Variants in BIN3 observed in about 807,000 individuals in gnomAD.
BIN3 encodes the protein bridging integrator 3.
Under a neutral mutation model 38.2 loss-of-function variants are expected in BIN3, and 41 were observed. That is an observed-to-expected ratio of 1.07 (90% CI 0.84 to 1.39). The LOEUF (loss-of-function observed/expected upper bound fraction) is 1.39, where lower values mean the gene tolerates loss of function less well. Ranked by LOEUF, BIN3 falls within the 40% of genes most tolerant of loss-of-function variation. The pLI is 0.00. For synonymous variants in BIN3, 145 were observed against 122.6 expected, an observed-to-expected ratio of 1.18 and a Z score of -1.21; for missense variants, 361 against 324.3, an observed-to-expected ratio of 1.11 and a Z score of -0.87.
intron 1 of BIN3, among the ~76,000 whole-genome samples, chr8:22,658,878 G>T (rs1298830556): frequency 6.6e-6 from 1 of 152,222 alleles, no homozygotes; most frequent in African/African-American, 2.4e-5. Flanking sequence ...GCTCCCCGGT[G>T]AGTGGTCTGG....
At chr8:22,634,019 C>T (rs925411662) in intron 4 of BIN3, among the ~76,000 whole-genome samples, 5 of 152,344 alleles carry the variant, frequency 3.3e-5, no homozygotes, top group Non-Finnish European at 5.9e-5. Context: ...CGGTGCGTCA[C>T]GGACCCCTGA....
At chr8:22,625,528 G>A (rs939806280) in intron 6 of BIN3, 6 of 657,080 alleles carry the variant, frequency 9.1e-6, no homozygotes. Flanking sequence ...TCACTGTCAG[G>A]TTCCAGGAGC....
intron 1 of BIN3, among the ~76,000 whole-genome samples, chr8:22,657,232 G>A (rs1156446463): frequency 6.6e-6 from 1 of 152,174 alleles, no homozygotes; most frequent in Non-Finnish European, 1.5e-5. Flanking sequence ...CAAGGGGCCT[G>A]TAAAATAACA....
In BIN3 at chr8:22,669,080, T is replaced by A. The variant is rs949675378; in HGVS notation, c.-29A>T. On this transcript the variant is annotated 5_prime_UTR_variant, in exon 1 of 9. Coordinates refer to ENST00000276416, the MANE Select transcript of BIN3 (RefSeq NM_018688.6). The stretch of plus-strand genomic sequence containing the variant: ...CCCGAACCTGCGTCTGCCGCCGGGG[T>A]CCTCAGCCACAACTCGTTTCTCTAG... 2.5e-6 allele frequency: 4 copies of A among 1,590,014 alleles called. No individual in the cohort carries two copies. Among genetic ancestry groups the A allele is most frequent in the Admixed American group, 1.8e-5 (1 of 56,664 alleles).
intron 1 of BIN3, among the ~76,000 whole-genome samples, chr8:22,665,903 G>A (rs1803401826): frequency 6.6e-6 from 1 of 152,182 alleles, no homozygotes; most frequent in Admixed American, 6.5e-5. Flanking sequence ...TTTCACAGCA[G>A]GCTCAGGTGG....
chr8:22,637,509 G>C lies in BIN3; in HGVS notation c.58-547C>G, dbSNP rs148475828. ...TTGTGATTGGGATGCATCAAACACA[G>C]ACACTGTGACTACTGACTCAGGTCA... On this transcript the variant is annotated intron_variant, in intron 2 of 8. Coordinates refer to ENST00000276416, the MANE Select transcript of BIN3 (RefSeq NM_018688.6). 7.7e-4 allele frequency among the ~76,000 whole-genome samples: 117 copies of C among 152,340 alleles called. No individual in the cohort carries two copies. The Middle Eastern group carries it at 0.017, about 22-fold the overall frequency.
chr8:22,669,096 G>C lies in BIN3; in HGVS notation c.-45C>G, dbSNP rs73212806. ...CCGCCGGGGTCCTCAGCCACAACTC[G>C]TTTCTCTAGGGTCACTTCCGGATTC... On this transcript the variant is annotated 5_prime_UTR_variant, in exon 1 of 9. Transcript: ENST00000276416. 6.3e-7 allele frequency: 1 copy of C among 1,580,410 alleles called. No individual in the cohort carries two copies. Among genetic ancestry groups the C allele is most frequent in the Non-Finnish European group, 8.6e-7 (1 of 1,163,158 alleles).
intron 1 of BIN3, among the ~76,000 whole-genome samples, chr8:22,660,659 G>C (rs896325104): frequency 6.6e-6 from 1 of 152,080 alleles, no homozygotes; most frequent in Non-Finnish European, 1.5e-5. Flanking sequence ...TGGAAAGTGA[G>C]GTCTGCCCCA....
intron 6 of BIN3, chr8:22,626,015 G>A (rs1393622265): frequency 1.3e-5 from 2 of 152,664 alleles, no homozygotes. Flanking sequence ...TCAGACCCAG[G>A]GAGTAGATTT....
In BIN3 at chr8:22,630,145, G is replaced by C. The variant is rs1446472418; in HGVS notation, c.298-141C>G. 14 of 1,057,788 alleles carry C rather than the reference G, an allele frequency of 1.3e-5. No homozygotes were observed. The East Asian group carries it at 3.6e-4, about 27-fold the overall frequency. The allele number at this position is 1,057,788 out of a possible 1,614,324, so 65.5% of individuals were successfully genotyped here. A position where few individuals can be genotyped will look rare whatever the true frequency, so the allele number is the denominator to read the frequency against. On this transcript the variant is annotated intron_variant, in intron 5 of 8. Coordinates refer to ENST00000276416, the MANE Select transcript of BIN3 (RefSeq NM_018688.6). ...CTTGTCCTGGGCCTGGCTTTGCTCA[G>C]GGTGGAGGCCGGGTGGCTGGCCACA... is the stretch of plus-strand genomic sequence containing the variant.
intron 1 of BIN3, chr8:22,645,008 G>T (rs760167063): frequency 5.7e-6 from 3 of 522,586 alleles, no homozygotes; most frequent in Non-Finnish European, 1.1e-5. Context: ...CCCACCTACA[G>T]TGTCAGATGC....
intron 4 of BIN3, among the ~76,000 whole-genome samples, chr8:22,635,275 G>A (rs1005419830): frequency 1.1e-4 from 16 of 152,010 alleles, no homozygotes; most frequent in East Asian, 5.8e-4. Context: ...ATTATATACC[G>A]ATCCGCTTGT....
At chr8:22,667,515 C>CGCA (rs1803460080) in intron 1 of BIN3, among the ~76,000 whole-genome samples, 1 of 152,176 alleles carries the variant, frequency 6.6e-6, no homozygotes, top group Admixed American at 6.5e-5. Flanking sequence ...AGATTCAAGA[C>CGCA]GCAGCAGCCA....
At chr8:22,622,290 G>A (rs527898954) in intron 8 of BIN3, among the ~76,000 whole-genome samples, 1 of 152,358 alleles carries the variant, frequency 6.6e-6, no homozygotes, top group African/African-American at 2.4e-5. Context: ...AAAGCATGCA[G>A]TTTCCTGAAA....
At chr8:22,663,953 C>T (rs1028491410) in intron 1 of BIN3, among the ~76,000 whole-genome samples, 3 of 152,164 alleles carry the variant, frequency 2.0e-5, no homozygotes, top group Admixed American at 6.5e-5. Flanking sequence ...TTCCATACAC[C>T]GGCTGAAGAT....
At chr8:22,624,849 C>G in intron 6 of BIN3, 1 of 193,250 alleles carries the variant, frequency 5.2e-6, no homozygotes. Context: ...ATGACTCATC[C>G]AAAGTCACGA....
At chr8:22,637,060 C>T (rs1322715274) in intron 2 of BIN3, 98 bp from the exon 3 acceptor site, 4 of 1,083,658 alleles carry the variant, frequency 3.7e-6, no homozygotes, top group Admixed American at 1.9e-5. Context: ...TGCCCCAGTC[C>T]GCAGAAAACA....
At chr8:22,657,804 G>A (rs1803103210) in intron 1 of BIN3, among the ~76,000 whole-genome samples, 1 of 152,216 alleles carries the variant, frequency 6.6e-6, no homozygotes, top group Admixed American at 6.5e-5. Flanking sequence ...ATCCCCGTGG[G>A]TCTCCCACTG....
Position 22,659,490 on chromosome 8 carries a change from T to A in BIN3, c.8+9554A>T, listed in dbSNP as rs148746634. 3.1e-4 allele frequency among the ~76,000 whole-genome samples: 47 copies of A among 152,312 alleles called. 1 individual carries two copies. Among genetic ancestry groups the A allele is most frequent in the Middle Eastern group, 3.4e-3 (1 of 294 alleles). On this transcript the variant is annotated intron_variant, in intron 1 of 8. Transcript: ENST00000276416. ...GCTCCACAGGCTGACCTCTGAAAAG[T>A]AAAGACAGAATGAAGCACACAACGT...
Sources: gnomAD v4.1 joint callset for allele counts (sites outside exome capture counted in the v4.1 genomes callset) on GRCh38, gnomAD v4.1.1 for gene constraint, MANE v1.5 for transcripts, NCBI Gene and HGNC (gene_info 2026-07-23, HGNC 2026-07-21) for gene names.